Variants in FSIP1 observed in about 807,000 individuals in gnomAD.
FSIP1 encodes the protein fibrous sheath-interacting protein 1.
Under a neutral mutation model 60.9 loss-of-function variants are expected in FSIP1, and 65 were observed. The observed-to-expected ratio is 1.07, with a 90% CI of 0.87 to 1.31. The LOEUF (loss-of-function observed/expected upper bound fraction) is 1.31. Among genes scored for constraint, FSIP1 ranks in the 40% most tolerant of loss-of-function variants. The pLI is 0.00. For synonymous variants in FSIP1, 209 were observed against 221.2 expected (o/e 0.94, Z 0.49); for missense variants, 675 against 665.5 (o/e 1.01, Z -0.16).
chr15:39,693,251 G>A (rs555340807), intron 10 of FSIP1, among the ~76,000 whole-genome samples: 10 of 152,276 alleles, frequency 6.6e-5, no homozygotes, highest in African/African-American at 2.4e-4. Context: ...TTTGAGCTCC[G>A]TGACTTCCAA....
intron 11 of FSIP1, among the ~76,000 whole-genome samples, chr15:39,605,417 CT>C (rs2140362579): frequency 6.6e-6 from 1 of 152,332 alleles, no homozygotes; most frequent in Non-Finnish European, 1.5e-5. Flanking sequence ...GCTTCTCAAA[CT>C]TTATTGCCGG....
intron 3 of FSIP1, among the ~76,000 whole-genome samples, chr15:39,769,638 A>C (rs1056944112): frequency 1.3e-5 from 2 of 152,218 alleles, no homozygotes; most frequent in Non-Finnish European, 2.9e-5. Context: ...TTTTCCCCAC[A>C]GGATGTTAAG....
At chr15:39,653,518 C>T (rs1021831128) in intron 10 of FSIP1, among the ~76,000 whole-genome samples, 2 of 152,068 alleles carry the variant, frequency 1.3e-5, no homozygotes, top group Non-Finnish European at 2.9e-5. Context: ...TTCTTTATAT[C>T]CTAATTCAAT....
rs74008657 is a variant in FSIP1 at position 39,697,086 on chromosome 15, G to A, written c.1188+16358C>T. Among the ~76,000 whole-genome samples, 1,226 of 151,984 alleles carry A rather than the reference G, an allele frequency of 8.1e-3. 17 individuals are homozygous for A. Among genetic ancestry groups the A allele is most frequent in the African/African-American group, 0.025 (1,050 of 41,420 alleles). On this transcript the variant is annotated intron_variant, in intron 10 of 11. Coordinates refer to ENST00000350221, the MANE Select transcript of FSIP1 (RefSeq NM_152597.5). ...TGCCCCCAAAAGCTATTTTCACTAC[G>A]AAAATAAATTTAAACTGTAATCACA...
intron 3 of FSIP1, among the ~76,000 whole-genome samples, chr15:39,769,997 C>G (rs994267346): frequency 5.9e-5 from 9 of 152,198 alleles, no homozygotes; most frequent in African/African-American, 1.9e-4. Context: ...TTGAGAAACA[C>G]TATTCTAATT....
intron 10 of FSIP1, among the ~76,000 whole-genome samples, chr15:39,637,609 A>T (rs1459824316): frequency 1.3e-5 from 2 of 152,182 alleles, no homozygotes; most frequent in African/African-American, 4.8e-5. Context: ...TAGTCTGTCC[A>T]TTAGTACCGA....
intron 10 of FSIP1, among the ~76,000 whole-genome samples, chr15:39,620,572 T>C (rs986243242): frequency 9.2e-5 from 14 of 151,684 alleles, no homozygotes; most frequent in African/African-American, 3.4e-4. Context: ...AAATTAAATA[T>C]AAAAATAAAA....
In FSIP1 at chr15:39,645,820, G is replaced by A. The variant is rs960820125; in HGVS notation, c.1189-27575C>T. Among the ~76,000 whole-genome samples, 9 of 152,214 alleles carry A rather than the reference G, an allele frequency of 5.9e-5. No individual in the cohort carries two copies. In the East Asian group the frequency reaches 7.7e-4, roughly 13 times the overall value. ...GCTCCCAGTCCCCAGCTCCAATCTCGGAGCGGGGTTGGGGCCGAGCCCCAG... is the reference window on the plus strand; with the variant it reads ...GCTCCCAGTCCCCAGCTCCAATCTCAGAGCGGGGTTGGGGCCGAGCCCCAG... On this transcript the variant is annotated intron_variant, in intron 10 of 11. Transcript: ENST00000350221.
chr15:39,737,152 C>T (rs12591862), intron 8 of FSIP1, among the ~76,000 whole-genome samples: 6,229 of 152,240 alleles, frequency 0.041, 217 homozygotes, highest in East Asian at 0.18. Flanking sequence ...TATTTCTTCA[C>T]AGAAGCAAAG....
At position 39,776,432 on chromosome 15, in the gene FSIP1, CA is replaced by C; in HGVS notation, c.92del (p.Leu31TrpfsTer19). The C allele has an allele frequency of 6.2e-7, 1 of 1,613,630 alleles. No individual in the cohort carries two copies. Among genetic ancestry groups the C allele is most frequent in the African/African-American group, 1.3e-5 (1 of 75,000 alleles). Reference protein sequence around the residue: ...RPGSRSSNASLEVLSTEPGSF... With the variant: ...RPGSRSSNASXEVLSTEPGSF... The stretch of plus-strand genomic sequence containing the variant: ...ATCCTGGTTCTGTTGAGAGCACCTC[CA>C]AAGAAGCATTTGAACTTCTGCTCCC... On this transcript the variant is annotated frameshift_variant, in exon 2 of 12. Coordinates refer to ENST00000350221, the MANE Select transcript of FSIP1 (RefSeq NM_152597.5). LOFTEE classifies it high-confidence loss of function.
At chr15:39,668,484 C>T (rs1893589997) in intron 10 of FSIP1, among the ~76,000 whole-genome samples, 1 of 152,192 alleles carries the variant, frequency 6.6e-6, no homozygotes, top group Non-Finnish European at 1.5e-5. Flanking sequence ...ATTTTCATGT[C>T]TCTAACCAGC....
intron 10 of FSIP1, among the ~76,000 whole-genome samples, chr15:39,620,497 G>C (rs1891399743): frequency 6.6e-6 from 1 of 151,962 alleles, no homozygotes; most frequent in South Asian, 2.1e-4. Flanking sequence ...GCTGAGGCAA[G>C]GGGCTGCCAT....
chr15:39,683,075 T>A (rs1894228520), intron 10 of FSIP1, among the ~76,000 whole-genome samples: 1 of 152,170 alleles, frequency 6.6e-6, no homozygotes, highest in South Asian at 2.1e-4. Context: ...TGGTACCAGG[T>A]GGGTTCTTGG....
intron 10 of FSIP1, among the ~76,000 whole-genome samples, chr15:39,667,112 C>T (rs868112341): frequency 6.6e-6 from 1 of 152,164 alleles, no homozygotes. Context: ...CAAACATGGA[C>T]GAGTGCTTGA....
At chr15:39,759,945 C>T (rs949419898) in intron 5 of FSIP1, among the ~76,000 whole-genome samples, 1 of 152,080 alleles carries the variant, frequency 6.6e-6, no homozygotes, top group Non-Finnish European at 1.5e-5. Context: ...AATAAGGTAA[C>T]ATTCACAGGC....
chr15:39,637,256 T>C (rs1345340811), intron 10 of FSIP1, among the ~76,000 whole-genome samples: 1 of 152,180 alleles, frequency 6.6e-6, no homozygotes, highest in Non-Finnish European at 1.5e-5. Flanking sequence ...AGGTTCTTAC[T>C]TGCAAATAAC....
chr15:39,776,390 G>A lies in FSIP1; in HGVS notation c.126+9C>T, dbSNP rs144522905. 1.1e-5 allele frequency: 18 copies of A among 1,609,320 alleles called. No homozygotes were observed. The highest frequency in any genetic ancestry group is 1.7e-4 in the Middle Eastern group (1 of 6,048). On this transcript the variant is annotated intron_variant, in intron 2 of 11. Coordinates refer to ENST00000350221, the MANE Select transcript of FSIP1 (RefSeq NM_152597.5). ...AAAGGAGTTTAAATCTTTTCTAAAC[G>A]TAAATTACCTTGAAGGATCCTGGTT...
chr15:39,619,725 C>T (rs11855802), intron 10 of FSIP1, among the ~76,000 whole-genome samples: 2,210 of 152,272 alleles, frequency 0.015, 26 homozygotes, highest in Middle Eastern at 0.041. Context: ...CTAAAACACA[C>T]TTTCAAACTT....
intron 10 of FSIP1, among the ~76,000 whole-genome samples, chr15:39,701,963 C>T (rs1481218336): frequency 1.3e-5 from 2 of 152,156 alleles, no homozygotes; most frequent in Non-Finnish European, 2.9e-5. Context: ...GGGATTACTG[C>T]CAATCCAAGA....
Sources: gnomAD v4.1 joint callset for allele counts (sites outside exome capture counted in the v4.1 genomes callset) on GRCh38, gnomAD v4.1.1 for gene constraint, MANE v1.5 for transcripts, NCBI Gene and HGNC (gene_info 2026-07-23, HGNC 2026-07-21) for gene names.